Variants in GPC6 observed in about 807,000 individuals in gnomAD.
GPC6 encodes glypican 6.
In GPC6, 14 loss-of-function variants were observed where a neutral mutation model predicts 55.2. The observed-to-expected ratio is 0.25, with a 90% CI of 0.17 to 0.40. The LOEUF is 0.40. Among genes scored for constraint, GPC6 ranks in the 10% least tolerant of loss-of-function variants. GPC6 has a pLI of 1.00. For missense variants in GPC6, 641 were observed against 708.5 expected, an observed-to-expected ratio of 0.90 and a Z score of 1.08; for synonymous variants, 278 against 259.6, an observed-to-expected ratio of 1.07 and a Z score of -0.68.
intron 4 of GPC6, among the ~76,000 whole-genome samples, chr13:94,065,390 T>C (rs1303381039): frequency 6.6e-6 from 1 of 152,216 alleles, no homozygotes; most frequent in African/African-American, 2.4e-5. Flanking sequence ...ATAGGCATGG[T>C]TAACTGACCT....
At chr13:93,696,715 C>T (rs1055975151) in intron 2 of GPC6, among the ~76,000 whole-genome samples, 7 of 151,502 alleles carry the variant, frequency 4.6e-5, no homozygotes, top group South Asian at 2.1e-4. Flanking sequence ...TCCGCCCCAC[C>T]GGGTTCAAAT....
intron 2 of GPC6, among the ~76,000 whole-genome samples, chr13:93,582,171 A>C (rs954772744): frequency 5.9e-5 from 9 of 152,214 alleles, no homozygotes; most frequent in African/African-American, 2.2e-4. Flanking sequence ...ATAACAATAT[A>C]AGTGAAAATC....
At chr13:93,252,965 A>G (rs530470267) in intron 1 of GPC6, among the ~76,000 whole-genome samples, 1 of 152,258 alleles carries the variant, frequency 6.6e-6, no homozygotes, top group East Asian at 1.9e-4. Context: ...ATCAGTTTGC[A>G]AAAGTATAGA....
intron 4 of GPC6, among the ~76,000 whole-genome samples, chr13:94,086,114 C>G (rs111640181): frequency 6.6e-6 from 1 of 151,562 alleles, no homozygotes; most frequent in African/African-American, 2.4e-5. Flanking sequence ...TCTCTGCTTC[C>G]GTGAATTTTT....
chr13:93,520,230 G>T (rs1450264734), intron 1 of GPC6, among the ~76,000 whole-genome samples: 1 of 151,914 alleles, frequency 6.6e-6, no homozygotes, highest in East Asian at 1.9e-4. Flanking sequence ...ACTGGTGACT[G>T]TGCGAAATTA....
Position 94,239,373 on chromosome 13 carries a change from C to T in GPC6, c.878-46976C>T, listed in dbSNP as rs185582504. 2.0e-5 allele frequency among the ~76,000 whole-genome samples: 3 copies of T among 152,234 alleles called. No individual in the cohort carries two copies. The East Asian group carries it at 5.8e-4, about 29-fold the overall frequency. On this transcript the variant is annotated intron_variant, in intron 4 of 8. Coordinates refer to ENST00000377047, the MANE Select transcript of GPC6 (RefSeq NM_005708.5). The stretch of plus-strand genomic sequence containing the variant: ...AGGAGTCATTTCCTCTCTACTCCCA[C>T]ACATGTGGTTAAATAATTTGTATTT...
intron 1 of GPC6, among the ~76,000 whole-genome samples, chr13:93,310,891 A>C (rs1241389591): frequency 6.6e-6 from 1 of 152,132 alleles, no homozygotes; most frequent in Non-Finnish European, 1.5e-5. Flanking sequence ...CCTTCTAACT[A>C]CTACTATTTT....
rs781504142 is a variant in GPC6, at chr13:93,254,563, G to A, written c.160+26947G>A. On this transcript the variant is annotated intron_variant, in intron 1 of 8. Transcript: ENST00000377047. ...ATGGAGAAAAGGTGAAAACAAGTTG[G>A]CATTTTTTTGTGCCCTTCAAGATCT... Among the ~76,000 whole-genome samples the A allele has an allele frequency of 2.0e-4, 30 of 152,158 alleles. 1 individual carries two copies. The highest frequency in any genetic ancestry group is 3.8e-4 in the Non-Finnish European group (26 of 67,980).
At chr13:93,612,122 A>C (rs1366614679) in intron 2 of GPC6, among the ~76,000 whole-genome samples, 5 of 151,836 alleles carry the variant, frequency 3.3e-5, no homozygotes, top group East Asian at 1.9e-4. Context: ...AATACCTCCC[A>C]AAAAATAAAT....
At chr13:93,648,196 A>G (rs1268818612) in intron 2 of GPC6, among the ~76,000 whole-genome samples, 1 of 152,060 alleles carries the variant, frequency 6.6e-6, no homozygotes, top group Admixed American at 6.6e-5. Context: ...TGAGACTATG[A>G]TGGGGATTGA....
intron 4 of GPC6, among the ~76,000 whole-genome samples, chr13:94,056,113 G>T (rs1208956949): frequency 1.3e-5 from 2 of 152,166 alleles, no homozygotes; most frequent in African/African-American, 2.4e-5. Flanking sequence ...TCAGTCATCT[G>T]TGATAAATCC....
chr13:94,014,361 C>A (rs1350526470), intron 3 of GPC6, among the ~76,000 whole-genome samples: 1 of 152,094 alleles, frequency 6.6e-6, no homozygotes, highest in African/African-American at 2.4e-5. Context: ...TTATTTAGAT[C>A]GTTTCTTTTT....
intron 4 of GPC6, among the ~76,000 whole-genome samples, chr13:94,072,885 G>A (rs1046522594): frequency 6.6e-5 from 10 of 152,308 alleles, no homozygotes; most frequent in African/African-American, 2.4e-4. Context: ...CAGGAGAATG[G>A]CACTTGGACA....
At chr13:94,262,710 A>G (rs1891691089) in intron 4 of GPC6, among the ~76,000 whole-genome samples, 1 of 151,716 alleles carries the variant, frequency 6.6e-6, no homozygotes, top group African/African-American at 2.4e-5. Context: ...TCACTGGTCT[A>G]AAGGTAAACT....
At chr13:93,627,020 T>A (rs1377358020) in intron 2 of GPC6, among the ~76,000 whole-genome samples, 4 of 151,986 alleles carry the variant, frequency 2.6e-5, no homozygotes, top group Non-Finnish European at 2.9e-5. Flanking sequence ...TTATTATTAT[T>A]ATACTTTAAG....
Position 94,257,766 on chromosome 13 carries a change from A to C in GPC6, c.878-28583A>C, listed in dbSNP as rs79731297. 2.6e-5 allele frequency among the ~76,000 whole-genome samples: 4 copies of C among 152,304 alleles called. No homozygotes were observed. The East Asian group carries it at 5.8e-4, about 22-fold the overall frequency. On this transcript the variant is annotated intron_variant, in intron 4 of 8. Transcript: ENST00000377047. The stretch of plus-strand genomic sequence containing the variant: ...TGTTGCAGATACATCATTTTATTGT[A>C]ATACTGCAACCGCCCTGGCAAAAGA...
intron 4 of GPC6, among the ~76,000 whole-genome samples, chr13:94,098,725 C>T (rs1338626562): frequency 6.6e-6 from 1 of 152,122 alleles, no homozygotes; most frequent in African/African-American, 2.4e-5. Flanking sequence ...ATGCTGTAGT[C>T]TGATTTCCTA....
intron 4 of GPC6, among the ~76,000 whole-genome samples, chr13:94,083,204 T>C (rs577424211): frequency 3.6e-4 from 55 of 152,238 alleles, no homozygotes; most frequent in South Asian, 1.9e-3. Context: ...CTGCAAGCTC[T>C]GCCTCCCTGG....
At chr13:93,435,762 A>C (rs1016116904) in intron 1 of GPC6, among the ~76,000 whole-genome samples, 115 of 152,208 alleles carry the variant, frequency 7.6e-4, no homozygotes, top group African/African-American at 2.7e-3. Flanking sequence ...ATTAGAAGTA[A>C]AGCTATAAAG....
Sources: allele counts gnomAD v4.1 joint callset (sites outside exome capture counted in the v4.1 genomes callset), GRCh38; gene constraint gnomAD v4.1.1; transcripts MANE v1.5; gene names NCBI Gene and HGNC (gene_info 2026-07-23, HGNC 2026-07-21).